Variants in CLTC observed in about 807,000 individuals in gnomAD.
CLTC encodes the protein clathrin heavy chain 1.
Under a neutral mutation model 195.8 loss-of-function variants are expected in CLTC, and 16 were observed. That is an observed-to-expected ratio of 0.08 (90% confidence interval 0.06 to 0.12). The LOEUF (loss-of-function observed/expected upper bound fraction) is 0.12, where lower values mean the gene tolerates loss of function less well. Among genes scored for constraint, CLTC ranks in the 10% least tolerant of loss-of-function variants. The pLI, the probability that CLTC is intolerant of heterozygous loss-of-function variation, is 1.00. For missense variants in CLTC, 796 were observed against 2,027.0 expected, an observed-to-expected ratio of 0.39 and a Z score of 11.66; for synonymous variants, 667 against 689.4, an observed-to-expected ratio of 0.97 and a Z score of 0.51.
At chr17:59,668,566 A>G (rs573988368) in intron 13 of CLTC, among the ~76,000 whole-genome samples, 29 of 152,240 alleles carry the variant, frequency 1.9e-4, no homozygotes, top group African/African-American at 7.0e-4. Context: ...AAAAAAGGAA[A>G]CATTGGGTTG....
rs758243749 is a variant in CLTC, at chr17:59,644,488, A to G, written c.250+5A>G. The G allele has an allele frequency of 6.2e-7, 1 of 1,609,514 alleles. No homozygotes were observed. Among genetic ancestry groups the G allele is most frequent in the Non-Finnish European group, 8.5e-7 (1 of 1,176,478 alleles). On this transcript the variant is annotated splice_donor_5th_base_variant and intron_variant, in intron 2 of 31. Transcript: ENST00000269122. ...GCAAAGTAATTGCACTGAAAGGTAT[A>G]AAAGAATGTGGGTTTTCCTTAAAAC...
chr17:59,680,059 GAAAAAA>G (rs1212623801), intron 18 of CLTC, among the ~76,000 whole-genome samples: 2 of 151,472 alleles, frequency 1.3e-5, no homozygotes, highest in Non-Finnish European at 2.9e-5. Flanking sequence ...AAAACAAAAA[GAAAAAA>G]GAAAAAGAAA....
chr17:59,623,791 C>T (rs1465616863), intron 1 of CLTC, among the ~76,000 whole-genome samples: 3 of 152,162 alleles, frequency 2.0e-5, no homozygotes, highest in Non-Finnish European at 4.4e-5. Flanking sequence ...GAACTGTCTA[C>T]CAGCTACATA....
chr17:59,661,769 C>T (rs556952103), intron 8 of CLTC, 126 bp downstream of exon 8: 32 of 790,374 alleles, frequency 4.0e-5, no homozygotes, highest in South Asian at 8.1e-5. Context: ...CAAAAACACA[C>T]ATTGCATAAG....
In CLTC at chr17:59,674,675, A is replaced by G. The variant is rs368582475; in HGVS notation, c.2419-26A>G. 21 of 1,591,280 alleles carry G rather than the reference A, an allele frequency of 1.3e-5. No homozygotes were observed. The South Asian group carries it at 1.6e-4, about 12-fold the overall frequency. On this transcript the variant is annotated intron_variant, in intron 15 of 31. Transcript: ENST00000269122. ...TCTTTGCTTTTAATAACATAATAAC[A>G]TTCTTCTACTTCTTTTTAACCACAG... is the stretch of plus-strand genomic sequence containing the variant.
At chr17:59,620,594 C>G (rs1409618907) in intron 1 of CLTC, among the ~76,000 whole-genome samples, 3 of 150,516 alleles carry the variant, frequency 2.0e-5, no homozygotes, top group Non-Finnish European at 4.4e-5. Flanking sequence ...TCTCCTCTTT[C>G]CCTCATCGTG....
chr17:59,687,566 T>C (rs1165140348), intron 30 of CLTC, among the ~76,000 whole-genome samples: 2 of 151,978 alleles, frequency 1.3e-5, no homozygotes, highest in Non-Finnish European at 2.9e-5. Context: ...TGAAAGTAGA[T>C]ACGAGAGATA....
At position 59,692,933 on chromosome 17, in the gene CLTC, C is replaced by T. The variant is rs757069313; in HGVS notation, c.4904-795C>T. Among the ~76,000 whole-genome samples, 7 of 152,292 alleles carry T rather than the reference C, an allele frequency of 4.6e-5. No individual in the cohort carries two copies. The East Asian group carries it at 7.7e-4, about 17-fold the overall frequency. The stretch of plus-strand genomic sequence containing the variant: ...GATTACAGGCGTGAGCCACCGCGCC[C>T]GGCCCAAATGTGTCTTATTTTTAAT... On this transcript the variant is annotated intron_variant, in intron 31 of 31. Coordinates refer to ENST00000269122, the MANE Select transcript of CLTC (RefSeq NM_004859.4).
At chr17:59,623,913 T>C (rs1042612438) in intron 1 of CLTC, among the ~76,000 whole-genome samples, 8 of 152,228 alleles carry the variant, frequency 5.3e-5, no homozygotes, top group African/African-American at 1.9e-4. Context: ...ACTCCTACAT[T>C]GGACTGCACA....
intron 5 of CLTC, among the ~76,000 whole-genome samples, 157 bp downstream of exon 5, chr17:59,651,473 C>A (rs2032325707): frequency 6.6e-6 from 1 of 152,138 alleles, no homozygotes; most frequent in Admixed American, 6.5e-5. Context: ...CTTGGCTTTT[C>A]ATGTACAGGA....
chr17:59,636,932 CTTTTTT>C (rs771908096), intron 1 of CLTC, among the ~76,000 whole-genome samples: 5 of 103,672 alleles, frequency 4.8e-5, no homozygotes, highest in African/African-American at 1.9e-4. Context: ...CCGGCTAATT[CTTTTTT>C]TTTTTTTTTT....
rs1176432877 is a variant in CLTC, at chr17:59,666,672, G to A, written c.1947+28G>A. ...ATTTCAGTTTCTTACCTAATAGATG[G>A]TGTTAGTTGTGATTAATAGGTACAC... On this transcript the variant is annotated intron_variant, in intron 12 of 31. Transcript: ENST00000269122. The surrounding 1 kb of genome is among the most constrained non-coding windows in gnomAD (Gnocchi z 4.9). The A allele has an allele frequency of 6.3e-7, 1 of 1,593,376 alleles. No homozygotes were observed.
chr17:59,651,614 C>CT (rs2032329649), intron 5 of CLTC, among the ~76,000 whole-genome samples: 1 of 152,148 alleles, frequency 6.6e-6, no homozygotes, highest in South Asian at 2.1e-4. Flanking sequence ...ATGCTGTAGT[C>CT]TACTGTAAAG....
At chr17:59,669,182 A>G (rs974945796) in intron 14 of CLTC, among the ~76,000 whole-genome samples, 2 of 152,208 alleles carry the variant, frequency 1.3e-5, no homozygotes, top group African/African-American at 4.8e-5. Context: ...CACTATTTCA[A>G]AGGAATTTCC....
At position 59,681,925 on chromosome 17, in the gene CLTC, A is replaced by T. The variant is rs1348890534; in HGVS notation, c.3442+86A>T. The T allele has an allele frequency of 8.4e-6, 10 of 1,197,222 alleles. No individual in the cohort carries two copies. The highest frequency in any genetic ancestry group is 1.2e-5 in the Non-Finnish European group (10 of 856,984). 74.2% of individuals were successfully genotyped at this position (1,197,222 alleles called of 1,614,324 possible). ...ATCTGTCTATTCTGAATTTTAGAAG[A>T]GTTGGATACTGCATGGTTTCTTTTA... On this transcript the variant is annotated intron_variant, in intron 21 of 31. Transcript: ENST00000269122. This position sits in a 1 kb window ranked among gnomAD's most constrained non-coding sequence, Gnocchi z 5.0.
chr17:59,676,828 G>A (rs573893144), intron 16 of CLTC, 126 bp from the exon 17 acceptor site: 35 of 698,768 alleles, frequency 5.0e-5, no homozygotes, highest in African/African-American at 4.5e-4. Flanking sequence ...AGCAATACTC[G>A]GGGGGCGGGG....
chr17:59,634,860 A>T (rs1567931613), intron 1 of CLTC, among the ~76,000 whole-genome samples: 1 of 152,158 alleles, frequency 6.6e-6, no homozygotes, highest in Non-Finnish European at 1.5e-5. Flanking sequence ...TTTATTTGAC[A>T]TTCTGCTAGT....
At chr17:59,674,620 C>A in intron 15 of CLTC, 81 bp from the exon 16 acceptor site, 1 of 1,283,034 alleles carries the variant, frequency 7.8e-7, no homozygotes, top group Non-Finnish European at 1.1e-6. Flanking sequence ...AGCTTAAAAG[C>A]GATAGAGATA....
chr17:59,636,293 C>G (rs1159039206), intron 1 of CLTC, among the ~76,000 whole-genome samples: 2 of 152,150 alleles, frequency 1.3e-5, no homozygotes, highest in African/African-American at 4.8e-5. Context: ...TGCTCCCTCT[C>G]AAGTAAGGAT....
Sources: gnomAD v4.1 joint callset for allele counts (sites outside exome capture counted in the v4.1 genomes callset) on GRCh38, gnomAD v4.1.1 for gene constraint, Gnocchi (gnomAD v3.1) non-coding constraint, MANE v1.5 for transcripts, NCBI Gene and HGNC (gene_info 2026-07-23, HGNC 2026-07-21) for gene names.